POLR2B: variants seen among roughly 807,000 people sequenced by gnomAD.
POLR2B encodes the protein RNA polymerase II subunit B.
In POLR2B, 57 loss-of-function variants were observed where a neutral mutation model predicts 144.6. That is an observed-to-expected ratio of 0.39 (90% CI 0.32 to 0.49). The LOEUF (loss-of-function observed/expected upper bound fraction) is 0.49, where lower values mean the gene tolerates loss of function less well. Among genes scored for constraint, POLR2B ranks in the 20% least tolerant of loss-of-function variants. POLR2B has a pLI of 0.83. For missense variants in POLR2B, 595 were observed against 1,467.4 expected, an observed-to-expected ratio of 0.41 and a Z score of 9.71; for synonymous variants, 442 against 469.8, an observed-to-expected ratio of 0.94 and a Z score of 0.77.
chr4:57,016,691 G>T (rs1472022361), intron 14 of POLR2B, among the ~76,000 whole-genome samples: 3 of 150,052 alleles, frequency 2.0e-5, no homozygotes, highest in Non-Finnish European at 3.0e-5. Context: ...CAATATGAAT[G>T]TATAGTTATG....
intron 3 of POLR2B, among the ~76,000 whole-genome samples, chr4:56,992,529 A>G (rs546695799): frequency 7.0e-6 from 1 of 143,610 alleles, no homozygotes; most frequent in Non-Finnish European, 1.5e-5. Context: ...GCTGGGGACC[A>G]CAATGATCAG....
chr4:56,985,012 G>C (rs1421331026), intron 1 of POLR2B, among the ~76,000 whole-genome samples: 1 of 152,066 alleles, frequency 6.6e-6, no homozygotes, highest in Non-Finnish European at 1.5e-5. Context: ...GTGTTCCACC[G>C]TGACTCTGGT....
chr4:57,016,933 A>T (rs983149688), intron 14 of POLR2B, 110 bp from the exon 15 acceptor site: 2 of 283,428 alleles, frequency 7.1e-6, no homozygotes, highest in Non-Finnish European at 1.3e-5. Context: ...TGTATATTTA[A>T]TATATAATAT....
Position 56,978,949 on chromosome 4 carries a change from A to T in POLR2B, c.-37A>T, listed in dbSNP as rs201436230. ...GCTTCTGGGCGGTTTTTGTCTTTTGATTTCAAGAGTTAGGAGCTCGAGAAC... is the reference window on the plus strand; with the variant it reads ...GCTTCTGGGCGGTTTTTGTCTTTTGTTTTCAAGAGTTAGGAGCTCGAGAAC... On this transcript the variant is annotated 5_prime_UTR_variant, in exon 1 of 25. Transcript: ENST00000314595. 3 of 1,611,440 alleles carry T rather than the reference A, an allele frequency of 1.9e-6. No individual in the cohort carries two copies. The East Asian group carries it at 6.7e-5, about 36-fold the overall frequency.
intron 13 of POLR2B, 98 bp downstream of exon 13, chr4:57,011,198 C>T: frequency 1.3e-6 from 1 of 781,798 alleles, no homozygotes; most frequent in Non-Finnish European, 2.2e-6. Context: ...TTTCTTTGAA[C>T]TTTATTCCCT....
At chr4:56,988,061 A>G (rs1205670195) in intron 2 of POLR2B, among the ~76,000 whole-genome samples, 2 of 151,862 alleles carry the variant, frequency 1.3e-5, no homozygotes, top group East Asian at 2.0e-4. Flanking sequence ...CCTTGTCTCT[A>G]AAAATAAATA....
intron 2 of POLR2B, among the ~76,000 whole-genome samples, chr4:56,988,711 G>A (rs140834539): frequency 5.2e-4 from 79 of 152,220 alleles, no homozygotes; most frequent in African/African-American, 1.8e-3. Context: ...AAACAAATTG[G>A]CTGTAGAAGA....
chr4:57,018,735 C>T (rs1380506087), intron 16 of POLR2B, among the ~76,000 whole-genome samples: 5 of 151,892 alleles, frequency 3.3e-5, no homozygotes, highest in Admixed American at 6.6e-5. Flanking sequence ...ATGAAATTGC[C>T]TAAGGAGAAT....
intron 1 of POLR2B, chr4:56,985,533 T>G: frequency 1.1e-6 from 1 of 896,906 alleles, no homozygotes; most frequent in Non-Finnish European, 1.3e-6. Flanking sequence ...CCTGAGTAGC[T>G]GGGATTACAG....
At chr4:57,020,761 T>A in intron 16 of POLR2B, 138 bp from the exon 17 acceptor site, 1 of 695,708 alleles carries the variant, frequency 1.4e-6, no homozygotes, top group East Asian at 2.7e-5. Context: ...CCAGGAGGAA[T>A]AGACTTTGGC....
In POLR2B at chr4:57,005,672, CAA is replaced by C. The variant is rs866943329; in HGVS notation, c.1171_1172del (p.Lys391GlufsTer14). 11 of 1,611,472 alleles carry C rather than the reference CAA, an allele frequency of 6.8e-6. No individual in the cohort carries two copies. The highest frequency in any genetic ancestry group is 9.3e-6 in the Non-Finnish European group (11 of 1,179,208). ...ELDDRDHYGN[K>X]RLDLAGPLLA... ...TAGATGACAGAGATCACTATGGAAA[CAA>C]GAGATTGGATCTTGCTGGGCCGCTG... is the stretch of plus-strand genomic sequence containing the variant. On this transcript the variant is annotated frameshift_variant, in exon 9 of 25. Coordinates refer to ENST00000314595, the MANE Select transcript of POLR2B (RefSeq NM_000938.3). LOFTEE classifies it high-confidence loss of function.
At chr4:57,026,368 AC>A (rs1287709383) in intron 23 of POLR2B, among the ~76,000 whole-genome samples, 1 of 152,136 alleles carries the variant, frequency 6.6e-6, no homozygotes, top group Non-Finnish European at 1.5e-5. Context: ...GAACCACTGC[AC>A]CCAGCCCTCT....
At chr4:57,030,641 C>T in intron 24 of POLR2B, 5 of 549,080 alleles carry the variant, frequency 9.1e-6, no homozygotes, top group Non-Finnish European at 1.3e-5. Flanking sequence ...AGACTTTGTA[C>T]AAGGGATTTT....
chr4:56,993,578 T>TC (rs1182295645), intron 3 of POLR2B, among the ~76,000 whole-genome samples: 15 of 152,200 alleles, frequency 9.9e-5, no homozygotes, highest in African/African-American at 3.6e-4. Context: ...AAGTACACTA[T>TC]CCATTTATCT....
Position 57,023,608 on chromosome 4 carries a change from GT to G in POLR2B, c.2766+32del. The G allele has an allele frequency of 1.2e-6, 2 of 1,612,188 alleles. No individual in the cohort carries two copies. The highest frequency in any genetic ancestry group is 1.7e-6 in the Non-Finnish European group (2 of 1,178,620). On this transcript the variant is annotated intron_variant, in intron 19 of 24. Coordinates refer to ENST00000314595, the MANE Select transcript of POLR2B (RefSeq NM_000938.3). This position sits in a 1 kb window ranked among gnomAD's most constrained non-coding sequence, Gnocchi z 4.3. ...GAGTACAACTTTGTTCATGTAGCTA[GT>G]TTTAGAAAGTAAACCAAATCCACTT... is the stretch of plus-strand genomic sequence containing the variant.
intron 24 of POLR2B, chr4:57,030,640 A>T: frequency 3.6e-6 from 2 of 551,552 alleles, no homozygotes; most frequent in South Asian, 5.6e-5. Flanking sequence ...AAGACTTTGT[A>T]CAAGGGATTT....
intron 13 of POLR2B, among the ~76,000 whole-genome samples, chr4:57,013,640 C>T (rs972449164): frequency 6.6e-5 from 10 of 151,910 alleles, no homozygotes; most frequent in South Asian, 2.1e-4. Flanking sequence ...TGGGCCCCAA[C>T]GATCCTCCCA....
intron 10 of POLR2B, among the ~76,000 whole-genome samples, chr4:57,007,584 A>T (rs1025872999): frequency 6.6e-6 from 1 of 152,222 alleles, no homozygotes; most frequent in African/African-American, 2.4e-5. Context: ...CATGTTAGTG[A>T]AATTTTTATG....
At chr4:57,018,041 G>T (rs1279503910) in intron 16 of POLR2B, among the ~76,000 whole-genome samples, 2 of 152,144 alleles carry the variant, frequency 1.3e-5, no homozygotes, top group African/African-American at 4.8e-5. Flanking sequence ...TTGAGAGGTG[G>T]TTTAAGCAAG....
Sources: gnomAD v4.1 joint callset for allele counts (sites outside exome capture counted in the v4.1 genomes callset) on GRCh38, gnomAD v4.1.1 for gene constraint, Gnocchi (gnomAD v3.1) non-coding constraint, MANE v1.5 for transcripts, NCBI Gene and HGNC (gene_info 2026-07-23, HGNC 2026-07-21) for gene names.